C8orf76: variants seen among roughly 807,000 people sequenced by gnomAD.
C8orf76 encodes chromosome 8 open reading frame 76.
A neutral mutation model predicts 38.1 loss-of-function variants in C8orf76; 46 were observed. That is an observed-to-expected ratio of 1.21 (90% CI 0.95 to 1.54). The LOEUF (loss-of-function observed/expected upper bound fraction) is 1.54, where lower values mean the gene tolerates loss of function less well. Ranked by LOEUF, C8orf76 falls within the 40% of genes most tolerant of loss-of-function variation. C8orf76 has a pLI of 0.00. For synonymous variants in C8orf76, 166 were observed against 167.5 expected (o/e 0.99, Z 0.07); for missense variants, 461 against 441.6 (o/e 1.04, Z -0.39).
intron 2 of C8orf76, among the ~76,000 whole-genome samples, 178 bp from the exon 3 acceptor site, chr8:123,238,119 T>G (rs1442736121): frequency 6.6e-6 from 1 of 152,214 alleles, no homozygotes; most frequent in African/African-American, 2.4e-5. Context: ...ATGGTTTAGC[T>G]GTGTCCCCAC....
chr8:123,226,253 T>A, intron 5 of C8orf76: 2 of 1,349,244 alleles, frequency 1.5e-6, no homozygotes, highest in Non-Finnish European at 1.9e-6. Flanking sequence ...TTGATGATGT[T>A]CAGGCAGGCA....
chr8:123,236,514 T>C (rs1159317598), intron 3 of C8orf76, among the ~76,000 whole-genome samples: 1 of 152,074 alleles, frequency 6.6e-6, no homozygotes, highest in Non-Finnish European at 1.5e-5. Flanking sequence ...GAAGGCCGGG[T>C]GCAGTGGCTC....
intron 3 of C8orf76, among the ~76,000 whole-genome samples, chr8:123,235,891 G>T (rs1379343367): frequency 6.6e-6 from 1 of 152,178 alleles, no homozygotes; most frequent in Admixed American, 6.5e-5. Context: ...CAGTAGTAAA[G>T]GCTACAGAAA....
chr8:123,226,641 C>CCGAAAAGTCTCAATGCGTGG lies in C8orf76; in HGVS notation c.816-29_816-10dup, dbSNP rs749222337. 7 of 1,587,710 alleles carry CCGAAAAGTCTCAATGCGTGG rather than the reference C, an allele frequency of 4.4e-6. No homozygotes were observed. The highest frequency in any genetic ancestry group is 2.0e-5 in the Admixed American group (1 of 50,760). ...TAAACTGAAGCAGAAGCCTGAAAAA[C>CCGAAAAGTCTCAATGCGTGG]CGAAAAGTCTCAATGCGTGGCGAAA... is the stretch of plus-strand genomic sequence containing the variant. On this transcript the variant is annotated splice_polypyrimidine_tract_variant and intron_variant, in intron 4 of 5. Coordinates refer to ENST00000276704, the MANE Select transcript of C8orf76 (RefSeq NM_032847.3).
Position 123,231,714 on chromosome 8 carries a change from T to C in C8orf76, c.401A>G (p.Tyr134Cys), listed in dbSNP as rs1038217840. Reference sequence around the variant, plus strand: ...ACTTGAACAAATAGCAAGCTGGAGGTAGAGTACCGTGGTTAAATGGTCTGT... The same window carrying C: ...ACTTGAACAAATAGCAAGCTGGAGGCAGAGTACCGTGGTTAAATGGTCTGT... The part of the protein sequence containing the change: ...TNTDHLTTVL[Y>C]LQLAICSSLQ... The change falls in exon 4 of 6, where the codon TAC becomes TGC. Residue 134 changes from tyrosine to cysteine, a missense_variant. Transcript: ENST00000276704. 37 of 1,611,596 alleles carry C rather than the reference T, an allele frequency of 2.3e-5. No homozygotes were observed. The highest frequency in any genetic ancestry group is 7.6e-6 in the Non-Finnish European group (9 of 1,179,986).
chr8:123,227,932 G>A (rs749287023), intron 4 of C8orf76, among the ~76,000 whole-genome samples: 15 of 152,088 alleles, frequency 9.9e-5, no homozygotes, highest in Non-Finnish European at 1.3e-4. Flanking sequence ...ATTCACCTTC[G>A]TTACCCCTTT....
intron 3 of C8orf76, among the ~76,000 whole-genome samples, chr8:123,236,343 A>G (rs1825476670): frequency 6.6e-6 from 1 of 152,214 alleles, no homozygotes; most frequent in South Asian, 2.1e-4. Context: ...ACTAATTCCC[A>G]TATAAAATTT....
intron 1 of C8orf76, 125 bp downstream of exon 1, chr8:123,241,105 C>T: frequency 1.0e-6 from 1 of 955,248 alleles, no homozygotes; most frequent in Non-Finnish European, 1.4e-6. Flanking sequence ...GCGGGGGACG[C>T]GGCGGGCGCT....
At chr8:123,223,066 G>A (rs1356220691) in intron 5 of C8orf76, among the ~76,000 whole-genome samples, 2 of 152,166 alleles carry the variant, frequency 1.3e-5, no homozygotes, top group East Asian at 1.9e-4. Context: ...TAGGTACTGA[G>A]TATTTGTTAA....
intron 3 of C8orf76, chr8:123,236,775 C>T: frequency 2.0e-6 from 1 of 499,324 alleles, no homozygotes; most frequent in East Asian, 3.8e-5. Flanking sequence ...CAGAGTGAGA[C>T]TCTGTCTCAA....
intron 3 of C8orf76, among the ~76,000 whole-genome samples, chr8:123,235,249 A>T (rs955972504): frequency 6.6e-6 from 1 of 152,224 alleles, no homozygotes; most frequent in African/African-American, 2.4e-5. Context: ...TTATCCAAAA[A>T]TCATGAAAAG....
chr8:123,231,552 G>A lies in C8orf76; in HGVS notation c.563C>T (p.Ser188Phe). The A allele has an allele frequency of 6.2e-7, 1 of 1,614,244 alleles. No individual in the cohort carries two copies. Among genetic ancestry groups the A allele is most frequent in the Non-Finnish European group, 8.5e-7 (1 of 1,180,048 alleles). The change falls in exon 4 of 6, where the codon TCT becomes TTT. Residue 188 changes from serine (S) to phenylalanine (F), a missense_variant. Coordinates refer to ENST00000276704, the MANE Select transcript of C8orf76 (RefSeq NM_032847.3). ...GPALSAALAS[S>F]QKQHSFTSSD... ...TGAGGTGAAACTGTGCTGTTTCTGA[G>A]ATGACGCAAGTGCTGCTGAAAGAGC...
rs758693741 is a variant in C8orf76 at position 123,241,280 on chromosome 8, G to T, written c.67C>A (p.Arg23=). The T allele has an allele frequency of 9.5e-6, 15 of 1,581,244 alleles. No homozygotes were observed. The highest frequency in any genetic ancestry group is 1.4e-5 in the African/African-American group (1 of 71,244). Residue 23 remains arginine, a synonymous_variant, in exon 1 of 6, where the codon CGG becomes AGG. Transcript: ENST00000276704. The part of the protein sequence containing the change: ...EDSVFEERPE[R]RSGPPASYCA... ...TAGGACGCGGGCGGTCCTGACCGCC[G>T]CTCCGGCCTCTCCTCGAACACCGAG...
Position 123,220,088 on chromosome 8 carries a change from G to A in C8orf76, c.*15C>T, listed in dbSNP as rs1824861258. On this transcript the variant is annotated 3_prime_UTR_variant, in exon 6 of 6. Coordinates refer to ENST00000276704, the MANE Select transcript of C8orf76 (RefSeq NM_032847.3). Reference sequence around the variant, plus strand: ...TACAGTACAAGATATTTGTGGTTTTGTTTTTTATAACCCACTAAGCCAAGA... The same window carrying A: ...TACAGTACAAGATATTTGTGGTTTTATTTTTTATAACCCACTAAGCCAAGA... 6.4e-7 allele frequency: 1 copy of A among 1,552,926 alleles called. No homozygotes were observed. The highest frequency in any genetic ancestry group is 1.4e-5 in the African/African-American group (1 of 73,044).
chr8:123,241,208 C>T (rs775044271), intron 1 of C8orf76, 22 bp downstream of exon 1: 17 of 1,571,822 alleles, frequency 1.1e-5, no homozygotes, highest in Admixed American at 1.8e-5. Context: ...CGGGATAAGG[C>T]GAAGAGGCCC....
intron 5 of C8orf76, among the ~76,000 whole-genome samples, chr8:123,225,907 A>G (rs1166866816): frequency 6.6e-6 from 1 of 152,150 alleles, no homozygotes. Context: ...CCTGGGAGAC[A>G]AAGCAAGACT....
chr8:123,229,694 T>A (rs1405279840), intron 4 of C8orf76, among the ~76,000 whole-genome samples: 2 of 152,170 alleles, frequency 1.3e-5, no homozygotes. Flanking sequence ...ATGGTCAATC[T>A]AAACAAGCAT....
intron 5 of C8orf76, 112 bp from the exon 6 acceptor site, chr8:123,220,409 A>AG: frequency 1.3e-6 from 1 of 755,686 alleles, no homozygotes; most frequent in Non-Finnish European, 2.1e-6. Flanking sequence ...TTGAGCAGCC[A>AG]GGGGACATTC....
chr8:123,229,505 G>T (rs1325786854), intron 4 of C8orf76, among the ~76,000 whole-genome samples: 1 of 152,210 alleles, frequency 6.6e-6, no homozygotes, highest in Non-Finnish European at 1.5e-5. Flanking sequence ...GCTCCCTGAC[G>T]TTGGTCACAG....
Sources: allele counts gnomAD v4.1 joint callset (sites outside exome capture counted in the v4.1 genomes callset), GRCh38; gene constraint gnomAD v4.1.1; transcripts MANE v1.5; gene names NCBI Gene and HGNC (gene_info 2026-07-23, HGNC 2026-07-21).